The following WDPCP variants were observed in gnomAD, a reference collection of about 807,000 sequenced individuals.
WDPCP encodes WD repeat-containing and planar cell polarity effector protein fritz homolog.
Under a neutral mutation model 93.1 loss-of-function variants are expected in WDPCP, and 71 were observed. The observed-to-expected ratio is 0.76, with a 90% confidence interval of 0.63 to 0.93. The LOEUF is 0.93. Ranked by LOEUF, WDPCP falls within the 40% of genes least tolerant of loss-of-function variation. The pLI is 0.00. For missense variants in WDPCP, 844 were observed against 887.4 expected (o/e 0.95, Z 0.62); for synonymous variants, 315 against 315.0 (o/e 1.00, Z 0.00).
At chr2:63,255,858 A>T (rs922831673) in intron 14 of WDPCP, among the ~76,000 whole-genome samples, 2 of 140,150 alleles carry the variant, frequency 1.4e-5, no homozygotes. Flanking sequence ...TGCTAGATAT[A>T]AGGTCAATAT....
chr2:63,622,718 G>A (rs1709759283), intron 3 of WDPCP: 1 of 1,613,596 alleles, frequency 6.2e-7, no homozygotes. Context: ...GGTGTACTAT[G>A]TCTTCCGTCA....
chr2:63,588,941 G>T, upstream of WDPCP: 2 of 1,559,088 alleles, frequency 1.3e-6, no homozygotes, highest in South Asian at 2.2e-5. Context: ...GCCTTTTCTC[G>T]CTAACACCGC....
At chr2:63,641,518 T>C (rs568744387) in intron 3 of WDPCP, among the ~76,000 whole-genome samples, 1 of 152,352 alleles carries the variant, frequency 6.6e-6, no homozygotes, top group South Asian at 2.1e-4. Flanking sequence ...ACTGTAGTTT[T>C]GTTTTGCATT....
intron 17 of WDPCP, among the ~76,000 whole-genome samples, chr2:63,132,365 T>TTATATGTC (rs1440082264): frequency 1.6e-4 from 25 of 152,084 alleles, no homozygotes; most frequent in African/African-American, 5.5e-4. Context: ...CTTCTTGAGT[T>TTATATGTC]TATATGTCTA....
At chr2:63,651,861 C>T (rs956427439) in intron 2 of WDPCP, among the ~76,000 whole-genome samples, 5 of 152,122 alleles carry the variant, frequency 3.3e-5, no homozygotes, top group Admixed American at 6.5e-5. Flanking sequence ...CTGAGCTTAA[C>T]CTTGAAGAAT....
chr2:63,698,065 C>T (rs956206368), intron 2 of WDPCP, among the ~76,000 whole-genome samples: 6 of 152,130 alleles, frequency 3.9e-5, no homozygotes, highest in Admixed American at 2.0e-4. Flanking sequence ...AAGTGATTCT[C>T]GTGCCTCAGC....
chr2:63,153,637 A>G (rs1672032374), intron 15 of WDPCP, 63 bp from the exon 16 acceptor site: 25 of 1,172,876 alleles, frequency 2.1e-5, no homozygotes, highest in Non-Finnish European at 2.6e-5. Context: ...AAGGTTAGGT[A>G]TAAGTTATAG....
chr2:63,679,278 TA>T (rs1156283529), intron 2 of WDPCP, among the ~76,000 whole-genome samples: 1 of 152,094 alleles, frequency 6.6e-6, no homozygotes, highest in Non-Finnish European at 1.5e-5. Context: ...CAAGTTCCTA[TA>T]TGGGCTCCCC....
At chr2:63,394,702 T>C (rs202079115) in intron 10 of WDPCP, among the ~76,000 whole-genome samples, 2 of 152,004 alleles carry the variant, frequency 1.3e-5, no homozygotes, top group Admixed American at 6.6e-5. Flanking sequence ...GAATACTACA[T>C]AGCCATAAAA....
At chr2:63,296,620 A>G (rs980129436) in intron 13 of WDPCP, among the ~76,000 whole-genome samples, 8 of 152,232 alleles carry the variant, frequency 5.3e-5, no homozygotes, top group Non-Finnish European at 1.0e-4. Flanking sequence ...ATCAACATAC[A>G]GAAATCAGTA....
intron 14 of WDPCP, among the ~76,000 whole-genome samples, chr2:63,251,486 CTTTTTTTTTTTTT>C (rs869243555): frequency 1.9e-5 from 2 of 107,130 alleles, no homozygotes; most frequent in Non-Finnish European, 3.8e-5. Flanking sequence ...AAAAGCCTAC[CTTTTTTTTTTTTT>C]TTTTTTTTTT....
At chr2:63,591,908 A>C (rs1709208092), upstream of WDPCP, among the ~76,000 whole-genome samples, 1 of 152,330 alleles carries the variant, frequency 6.6e-6, no homozygotes. Flanking sequence ...GGTAATTGCT[A>C]TTATTATCTC....
At chr2:63,790,257 A>G (rs1409398411) in intron 2 of WDPCP, among the ~76,000 whole-genome samples, 1 of 152,226 alleles carries the variant, frequency 6.6e-6, no homozygotes, top group African/African-American at 2.4e-5. Flanking sequence ...ATAGTGCATC[A>G]TGATACCTAA....
chr2:63,156,424 G>C (rs1228816258), intron 15 of WDPCP, among the ~76,000 whole-genome samples: 1 of 152,072 alleles, frequency 6.6e-6, no homozygotes, highest in South Asian at 2.1e-4. Context: ...GTTTTCAATT[G>C]TACATTACTA....
intron 2 of WDPCP, among the ~76,000 whole-genome samples, chr2:63,705,745 A>G (rs546054375): frequency 0.055 from 6,396 of 117,336 alleles, 335 homozygotes; most frequent in Middle Eastern, 0.11. Context: ...AATAAGTGTG[A>G]TGTGATGCTG....
chr2:63,572,316 T>C (rs1187088755), intron 1 of WDPCP, among the ~76,000 whole-genome samples: 2 of 152,216 alleles, frequency 1.3e-5, no homozygotes, highest in African/African-American at 4.8e-5. Context: ...CAGGAGTAGA[T>C]AGGTAGAAAC....
At chr2:63,563,058 CACAT>C (rs371098027) in intron 1 of WDPCP, among the ~76,000 whole-genome samples, 1 of 152,038 alleles carries the variant, frequency 6.6e-6, no homozygotes, top group Admixed American at 6.6e-5. Flanking sequence ...AATACACACA[CACAT>C]ACATACATAC....
rs1291542552 is a variant in WDPCP, at chr2:63,120,881, G to A, written c.*1125C>T. 6.6e-6 allele frequency among the ~76,000 whole-genome samples: 1 copy of A among 152,054 alleles called. No individual in the cohort carries two copies. The highest frequency in any genetic ancestry group is 2.4e-5 in the African/African-American group (1 of 41,396). ...ATATCAGTTATCTGCTAAAGAATGGGTGTCAATAACTGTGAAGGGTATGAG... is the reference window on the plus strand; with the variant it reads ...ATATCAGTTATCTGCTAAAGAATGGATGTCAATAACTGTGAAGGGTATGAG... On this transcript the variant is annotated 3_prime_UTR_variant, in exon 18 of 18. Coordinates refer to ENST00000272321, the MANE Select transcript of WDPCP (RefSeq NM_015910.7).
chr2:63,515,086 T>C (rs1702469123), intron 1 of WDPCP, among the ~76,000 whole-genome samples: 1 of 152,172 alleles, frequency 6.6e-6, no homozygotes, highest in Non-Finnish European at 1.5e-5. Context: ...AGGTAATAAA[T>C]ACTGTTTGTC....
Sources: allele counts gnomAD v4.1 joint callset (sites outside exome capture counted in the v4.1 genomes callset), GRCh38; gene constraint gnomAD v4.1.1; transcripts MANE v1.5; gene names NCBI Gene and HGNC (gene_info 2026-07-23, HGNC 2026-07-21).